TRAPPC11: variants seen among roughly 807,000 people sequenced by gnomAD.
The protein encoded by TRAPPC11 is trafficking protein particle complex subunit 11.
TRAPPC11 carries 104 observed loss-of-function variants against 151.2 expected under a neutral mutation model. The observed-to-expected ratio is 0.69, with a 90% CI of 0.59 to 0.81. The LOEUF (loss-of-function observed/expected upper bound fraction) is 0.81. TRAPPC11 is among the 30% of genes least tolerant of loss of function. The pLI is 0.00. For missense variants in TRAPPC11, 1,230 were observed against 1,349.6 expected (o/e 0.91, Z 1.39); for synonymous variants, 456 against 472.3 (o/e 0.97, Z 0.45).
At chr4:183,665,301 A>G (rs545842051) in intron 2 of TRAPPC11, among the ~76,000 whole-genome samples, 469 of 151,976 alleles carry the variant, frequency 3.1e-3, no homozygotes, top group African/African-American at 0.011. Context: ...TCACCGTGTT[A>G]GCCAGGATGG....
At chr4:183,689,746 T>C (rs758775181) in intron 18 of TRAPPC11, among the ~76,000 whole-genome samples, 38 of 151,362 alleles carry the variant, frequency 2.5e-4, no homozygotes, top group Non-Finnish European at 4.3e-4. Context: ...GGGACTCTTA[T>C]TTTACTTTTC....
At chr4:183,683,116 A>G (rs979491532) in intron 11 of TRAPPC11, among the ~76,000 whole-genome samples, 2 of 151,304 alleles carry the variant, frequency 1.3e-5, no homozygotes, top group Non-Finnish European at 2.9e-5. Context: ...GTGAACAGCC[A>G]CTGCACTCCA....
chr4:183,660,826 G>A (rs568992795), intron 1 of TRAPPC11, among the ~76,000 whole-genome samples: 2 of 152,286 alleles, frequency 1.3e-5, no homozygotes, highest in Admixed American at 6.5e-5. Context: ...CCATTCTCCT[G>A]CCTCAGCCTC....
rs866233955 is a variant in TRAPPC11 at position 183,688,406 on chromosome 4, C to T, written c.1893+1658C>T. Among the ~76,000 whole-genome samples the T allele has an allele frequency of 2.0e-5, 3 of 152,214 alleles. No individual in the cohort carries two copies. In the South Asian group the frequency reaches 6.2e-4, roughly 32 times the overall value. On this transcript the variant is annotated intron_variant, in intron 18 of 29. Transcript: ENST00000334690. ...GTGTTTCTGGGAAAGTCACACCTCA[C>T]TAGAACAGAGGGTTTATAATGCTGG...
chr4:183,695,259 T>C (rs1047216234), intron 23 of TRAPPC11, among the ~76,000 whole-genome samples: 1 of 152,056 alleles, frequency 6.6e-6, no homozygotes, highest in Non-Finnish European at 1.5e-5. Flanking sequence ...CTATATGGCT[T>C]TTCGTATAGA....
Position 183,712,667 on chromosome 4 carries a change from G to T in TRAPPC11, c.*23G>T. Reference sequence around the variant, plus strand: ...TGATGTTCAAGACCGGCCCTTGGCTGTTGTTACAGAGATGTTGGGCAGAGC... The same window carrying T: ...TGATGTTCAAGACCGGCCCTTGGCTTTTGTTACAGAGATGTTGGGCAGAGC... On this transcript the variant is annotated 3_prime_UTR_variant, in exon 30 of 30. Transcript: ENST00000334690. The T allele has an allele frequency of 6.2e-7, 1 of 1,613,216 alleles. No individual in the cohort carries two copies. Among genetic ancestry groups the T allele is most frequent in the African/African-American group, 1.3e-5 (1 of 74,998 alleles).
At chr4:183,664,136 T>C in intron 2 of TRAPPC11, 65 bp downstream of exon 2, 1 of 1,421,168 alleles carries the variant, frequency 7.0e-7, no homozygotes, top group Non-Finnish European at 9.8e-7. Context: ...GTGTGTCTTT[T>C]TTGTTCTGTT....
At chr4:183,669,127 T>G (rs559272456) in intron 5 of TRAPPC11, among the ~76,000 whole-genome samples, 82 of 152,152 alleles carry the variant, frequency 5.4e-4, no homozygotes, top group Admixed American at 1.8e-3. Flanking sequence ...CAAAGAAACT[T>G]AAATGCAATT....
chr4:183,683,924 G>T (rs1735828232), intron 11 of TRAPPC11, 51 bp from the exon 12 acceptor site: 2 of 1,430,884 alleles, frequency 1.4e-6, no homozygotes, highest in African/African-American at 1.4e-5. Flanking sequence ...TTCATATGAA[G>T]ATTTATATTA....
intron 7 of TRAPPC11, among the ~76,000 whole-genome samples, chr4:183,676,887 C>T (rs1337884304): frequency 6.6e-6 from 1 of 152,316 alleles, no homozygotes. Flanking sequence ...GCCTCAACTT[C>T]CTGAGTAGCT....
chr4:183,684,506 T>A, intron 14 of TRAPPC11, 147 bp downstream of exon 14: 2 of 1,006,584 alleles, frequency 2.0e-6, no homozygotes, highest in Non-Finnish European at 2.9e-6. Flanking sequence ...TTTCAAGTGC[T>A]ATTGATGGCA....
chr4:183,667,252 A>G (rs1734930843), intron 4 of TRAPPC11, 122 bp downstream of exon 4: 1 of 691,552 alleles, frequency 1.4e-6, no homozygotes, highest in Non-Finnish European at 2.5e-6. Flanking sequence ...ATAGTATGTT[A>G]ACTTTAAAAA....
At position 183,683,825 on chromosome 4, in the gene TRAPPC11, G is replaced by A. The variant is rs116129650; in HGVS notation, c.1208-150G>A. 1,906 of 654,988 alleles carry A rather than the reference G, an allele frequency of 2.9e-3. 32 individuals carry two copies. The African/African-American group carries it at 0.031, about 11-fold the overall frequency. 40.6% of individuals were successfully genotyped at this position (654,988 alleles called of 1,614,324 possible). Reference sequence around the variant, plus strand: ...CGGAAGTTTCCATGTTAATAAAGCTGCCTCTTAGCACCTTTACGATTCTAG... The same window carrying A: ...CGGAAGTTTCCATGTTAATAAAGCTACCTCTTAGCACCTTTACGATTCTAG... On this transcript the variant is annotated intron_variant, in intron 11 of 29. Coordinates refer to ENST00000334690, the MANE Select transcript of TRAPPC11 (RefSeq NM_021942.6).
intron 2 of TRAPPC11, 98 bp downstream of exon 2, chr4:183,664,169 C>A: frequency 1.0e-6 from 1 of 984,462 alleles, no homozygotes; most frequent in Non-Finnish European, 1.6e-6. Context: ...TTTATCAAGA[C>A]AGTGGTCACA....
At chr4:183,703,078 T>G (rs956053768) in intron 26 of TRAPPC11, among the ~76,000 whole-genome samples, 3 of 152,222 alleles carry the variant, frequency 2.0e-5, no homozygotes, top group African/African-American at 7.2e-5. Context: ...CTTATTGTTT[T>G]CATGTTATAA....
intron 1 of TRAPPC11, among the ~76,000 whole-genome samples, chr4:183,661,403 G>T (rs928225475): frequency 1.8e-5 from 2 of 113,192 alleles, no homozygotes; most frequent in Non-Finnish European, 3.3e-5. Flanking sequence ...GAGTCTCCTC[G>T]CTCTGTCGCC....
chr4:183,685,244 A>C (rs1735907021), intron 16 of TRAPPC11, 27 bp from the exon 17 acceptor site: 2 of 1,611,252 alleles, frequency 1.2e-6, no homozygotes, highest in East Asian at 2.2e-5. Flanking sequence ...AACTAGTTGA[A>C]TGGATGTTAA....
At chr4:183,695,225 C>T (rs1427880865) in intron 23 of TRAPPC11, among the ~76,000 whole-genome samples, 6 of 152,154 alleles carry the variant, frequency 3.9e-5, no homozygotes, top group Admixed American at 3.9e-4. Context: ...GCTGGGATTA[C>T]AGGCGTGATC....
At chr4:183,676,159 T>C (rs974668553) in intron 7 of TRAPPC11, among the ~76,000 whole-genome samples, 1 of 152,182 alleles carries the variant, frequency 6.6e-6, no homozygotes, top group Non-Finnish European at 1.5e-5. Context: ...AGTTCATTTT[T>C]TTTTTTTGAG....
Sources: allele counts gnomAD v4.1 joint callset (sites outside exome capture counted in the v4.1 genomes callset), GRCh38; gene constraint gnomAD v4.1.1; transcripts MANE v1.5; gene names NCBI Gene and HGNC (gene_info 2026-07-23, HGNC 2026-07-21).